DPP6: variants seen among roughly 807,000 people sequenced by gnomAD.
DPP6 encodes dipeptidyl peptidase like 6.
Under a neutral mutation model 122.6 loss-of-function variants are expected in DPP6, and 69 were observed. The observed-to-expected ratio is 0.56, with a 90% CI of 0.46 to 0.69. The LOEUF (loss-of-function observed/expected upper bound fraction) is 0.69. DPP6 is among the 30% of genes least tolerant of loss of function. DPP6 has a pLI of 0.00. For missense variants in DPP6, 928 were observed against 1,116.9 expected (o/e 0.83, Z 2.41); for synonymous variants, 418 against 433.1 (o/e 0.97, Z 0.43).
chr7:153,778,988 T>A, the DPP6 span, among the ~76,000 whole-genome samples: 1 of 147,336 alleles, frequency 6.8e-6, no homozygotes, highest in Non-Finnish European at 1.5e-5. Flanking sequence ...AGTGGAACAC[T>A]ACTCAGCTAC....
chr7:154,587,992 G>A (rs1179321860), intron 5 of DPP6: 7 of 1,612,904 alleles, frequency 4.3e-6, no homozygotes, highest in Admixed American at 1.7e-5. Flanking sequence ...ATTGTCATAC[G>A]AGTGTGGCAG....
chr7:154,721,159 T>G (rs1175096371), intron 7 of DPP6, among the ~76,000 whole-genome samples: 1 of 152,246 alleles, frequency 6.6e-6, no homozygotes, highest in Non-Finnish European at 1.5e-5. Flanking sequence ...AAAATCACAC[T>G]TTTCATTTAT....
intron 1 of DPP6, among the ~76,000 whole-genome samples, chr7:154,389,598 GATTT>G (rs1199926345): frequency 6.6e-6 from 1 of 152,082 alleles, no homozygotes; most frequent in Non-Finnish European, 1.5e-5. Flanking sequence ...AGCATTTTAT[GATTT>G]ATTTTAGTGC....
upstream of DPP6, among the ~76,000 whole-genome samples, chr7:154,049,349 G>T (rs1285706681): frequency 6.5e-5 from 9 of 138,160 alleles, no homozygotes; most frequent in Admixed American, 2.9e-4. Flanking sequence ...GGTGAAAGGT[G>T]ATTAGAGACA....
At chr7:154,853,853 T>C (rs1274191386) in intron 17 of DPP6, 26 bp downstream of exon 17, 5 of 1,612,640 alleles carry the variant, frequency 3.1e-6, no homozygotes, top group Non-Finnish European at 4.2e-6. Flanking sequence ...TTTCCTTAAA[T>C]CTTCCTGAGA....
chr7:153,951,849 C>G (rs1472990372), intron 1 of DPP6, among the ~76,000 whole-genome samples: 1 of 152,090 alleles, frequency 6.6e-6, no homozygotes, highest in East Asian at 1.9e-4. Flanking sequence ...TCAATACCAG[C>G]CTGGTCAACA....
chr7:153,902,081 A>C (rs2128998861), intron 1 of DPP6, among the ~76,000 whole-genome samples: 1 of 152,362 alleles, frequency 6.6e-6, no homozygotes, highest in Non-Finnish European at 1.5e-5. Flanking sequence ...AGAGAAAGAG[A>C]ACACTTTTCT....
At chr7:154,497,270 G>A (rs191908628) in intron 3 of DPP6, among the ~76,000 whole-genome samples, 6 of 152,206 alleles carry the variant, frequency 3.9e-5, no homozygotes, top group East Asian at 3.9e-4. Flanking sequence ...TGAGGAAGGC[G>A]GAGGAAGGTG....
intron 1 of DPP6, among the ~76,000 whole-genome samples, chr7:154,224,557 A>T (rs1381948378): frequency 6.7e-6 from 1 of 149,356 alleles, no homozygotes; most frequent in East Asian, 2.0e-4. Flanking sequence ...ATGACCTTAA[A>T]TGAAGACTTA....
the DPP6 span, among the ~76,000 whole-genome samples, chr7:153,764,831 G>A: frequency 3.9e-4 from 60 of 151,946 alleles, no homozygotes; most frequent in Middle Eastern, 6.8e-3. Flanking sequence ...CACCAGAACC[G>A]ACACAGCTTG....
chr7:153,957,405 A>T (rs147146175), intron 1 of DPP6, among the ~76,000 whole-genome samples: 147 of 152,276 alleles, frequency 9.7e-4, no homozygotes, highest in Non-Finnish European at 1.4e-3. Flanking sequence ...AGGCTTGGGG[A>T]TGGTGAAATG....
chr7:153,763,377 G>GAAAAAAA, the DPP6 span, among the ~76,000 whole-genome samples: 3 of 128,670 alleles, frequency 2.3e-5, no homozygotes, highest in Admixed American at 8.1e-5. Flanking sequence ...GTACAAGTAA[G>GAAAAAAA]AAAAAAAAAA....
chr7:154,181,974 G>A (rs1430061795), intron 1 of DPP6, among the ~76,000 whole-genome samples: 3 of 151,832 alleles, frequency 2.0e-5, no homozygotes, highest in Admixed American at 1.3e-4. Flanking sequence ...GGCTGGTCTC[G>A]AACTCCTGAC....
chr7:154,140,208 A>T (rs1307265291), intron 1 of DPP6, among the ~76,000 whole-genome samples: 1 of 152,226 alleles, frequency 6.6e-6, no homozygotes, highest in East Asian at 1.9e-4. Flanking sequence ...CCAACCAGAG[A>T]GCTCCATATT....
chr7:154,480,726 C>T (rs1169041128), intron 3 of DPP6, among the ~76,000 whole-genome samples: 1 of 152,262 alleles, frequency 6.6e-6, no homozygotes, highest in African/African-American at 2.4e-5. Flanking sequence ...TCTCAAATCT[C>T]TCAGATGTCT....
intron 1 of DPP6, among the ~76,000 whole-genome samples, chr7:153,966,288 C>T (rs1286609036): frequency 6.6e-6 from 1 of 151,290 alleles, no homozygotes. Context: ...TGCACGTGTT[C>T]ATGTTTGTGC....
Position 154,889,322 on chromosome 7 carries a change from G to A in DPP6, c.2355G>A (p.Leu785=). ...CCGCGCTGGAAGAACAGCAGTTCCT[G>A]ATCATTCATCCCACTGCCGATGGTA... ...RVSALEEQQF[L]IIHPTADEKI... is the part of the protein sequence containing the mutation. The change falls in exon 24 of 26, where the codon CTG becomes CTA. Residue 785 remains leucine, a synonymous_variant. Coordinates refer to ENST00000377770, the MANE Select transcript of DPP6 (RefSeq NM_130797.4). The A allele has an allele frequency of 6.2e-7, 1 of 1,612,740 alleles. No individual in the cohort carries two copies. Among genetic ancestry groups the A allele is most frequent in the Non-Finnish European group, 8.5e-7 (1 of 1,179,668 alleles).
chr7:153,846,774 G>T, the DPP6 span, among the ~76,000 whole-genome samples: 1 of 139,614 alleles, frequency 7.2e-6, no homozygotes, highest in African/African-American at 2.7e-5. Flanking sequence ...CTTACTGCAA[G>T]CTCCGCCTCC....
Position 154,278,848 on chromosome 7 carries a change from G to A in DPP6, c.244-167366G>A, listed in dbSNP as rs370673538. Among the ~76,000 whole-genome samples the A allele has an allele frequency of 2.8e-3, 422 of 151,622 alleles. 3 individuals are homozygous for A. The highest frequency in any genetic ancestry group is 9.7e-3 in the African/African-American group (398 of 41,204). ...TGCATGTGTGGGAGTGGGGATGCAC[G>A]TGTGTGTTTGGTGTGTGTATATGAG... On this transcript the variant is annotated intron_variant, in intron 1 of 25. Transcript: ENST00000377770.
Sources: gnomAD v4.1 joint callset for allele counts (sites outside exome capture counted in the v4.1 genomes callset) on GRCh38, gnomAD v4.1.1 for gene constraint, MANE v1.5 for transcripts, NCBI Gene and HGNC (gene_info 2026-07-23, HGNC 2026-07-21) for gene names.